Variants in GRM3 observed in about 807,000 individuals in gnomAD.
GRM3 encodes glutamate metabotropic receptor 3, also known as metabotropic glutamate receptor 3.
In GRM3, 26 loss-of-function variants were observed where a neutral mutation model predicts 70.5. That is an observed-to-expected ratio of 0.37 (90% confidence interval 0.27 to 0.51). The LOEUF (loss-of-function observed/expected upper bound fraction) is 0.51. GRM3 is among the 20% of genes least tolerant of loss of function. The probability of loss-of-function intolerance (pLI) is 0.93; values close to 1 mark genes in which losing one functional copy is unlikely to be tolerated. For synonymous variants in GRM3, 443 were observed against 434.9 expected (o/e 1.02, Z -0.23); for missense variants, 859 against 1,123.8 (o/e 0.76, Z 3.37).
intron 1 of GRM3, among the ~76,000 whole-genome samples, chr7:86,729,715 T>A (rs558809843): frequency 6.6e-6 from 1 of 152,284 alleles, no homozygotes; most frequent in South Asian, 2.1e-4. Flanking sequence ...AATTTACAAA[T>A]CACACAGAAA....
At chr7:86,794,326 C>T (rs1232808564) in intron 3 of GRM3, among the ~76,000 whole-genome samples, 1 of 152,100 alleles carries the variant, frequency 6.6e-6, no homozygotes, top group African/African-American at 2.4e-5. Context: ...TTCAGAAAAG[C>T]TATCAGATTG....
intron 1 of GRM3, among the ~76,000 whole-genome samples, chr7:86,752,747 A>G (rs897544710): frequency 2.0e-5 from 3 of 152,110 alleles, no homozygotes; most frequent in Non-Finnish European, 4.4e-5. Context: ...AAATTAAGTC[A>G]GAAACAACTT....
intron 3 of GRM3, among the ~76,000 whole-genome samples, chr7:86,812,312 A>C (rs1307122844): frequency 1.3e-5 from 2 of 151,756 alleles, no homozygotes; most frequent in African/African-American, 2.4e-5. Flanking sequence ...GTTAATTCTC[A>C]AGGCAAGGCA....
At chr7:86,687,711 C>T (rs998993634) in intron 1 of GRM3, among the ~76,000 whole-genome samples, 3 of 151,610 alleles carry the variant, frequency 2.0e-5, no homozygotes, top group African/African-American at 4.8e-5. Context: ...TTGGGGTAAA[C>T]GTAATTGCAT....
chr7:86,845,160 G>C (rs1238018631), intron 4 of GRM3, among the ~76,000 whole-genome samples: 1 of 152,086 alleles, frequency 6.6e-6, no homozygotes, highest in Non-Finnish European at 1.5e-5. Context: ...AAAGTGCTGG[G>C]ATTACTGATG....
intron 1 of GRM3, among the ~76,000 whole-genome samples, chr7:86,716,324 AACAAACAT>A (rs1795313081): frequency 6.6e-6 from 1 of 151,984 alleles, no homozygotes; most frequent in African/African-American, 2.4e-5. Context: ...AGAGAAGAGA[AACAAACAT>A]TTACTGAGTT....
intron 1 of GRM3, among the ~76,000 whole-genome samples, chr7:86,710,566 T>TGGG (rs1171125332): frequency 2.5e-4 from 2 of 8,126 alleles, no homozygotes; most frequent in African/African-American, 1.1e-3. Context: ...GTGTGTGTGG[T>TGGG]GGGGGGTGGG....
At chr7:86,780,291 A>G (rs926945509) in intron 2 of GRM3, among the ~76,000 whole-genome samples, 1 of 152,194 alleles carries the variant, frequency 6.6e-6, no homozygotes, top group Non-Finnish European at 1.5e-5. Flanking sequence ...CCCTGTATGC[A>G]TATGTAACAA....
At chr7:86,652,433 C>T (rs577992158) in intron 1 of GRM3, among the ~76,000 whole-genome samples, 88 of 152,224 alleles carry the variant, frequency 5.8e-4, no homozygotes, top group Non-Finnish European at 9.0e-4. Flanking sequence ...CGGATTCAAG[C>T]GATTTTCCTG....
intron 1 of GRM3, among the ~76,000 whole-genome samples, chr7:86,665,472 C>G (rs1794003149): frequency 6.6e-6 from 1 of 152,030 alleles, no homozygotes; most frequent in Non-Finnish European, 1.5e-5. Context: ...AGAGTAACAT[C>G]CACTGGCATA....
chr7:86,671,078 T>C (rs1337776846), intron 1 of GRM3, among the ~76,000 whole-genome samples: 2 of 152,212 alleles, frequency 1.3e-5, no homozygotes, highest in Admixed American at 6.5e-5. Context: ...TCTCCCAGGC[T>C]GGAGTGCAAC....
At chr7:86,689,329 T>C (rs1794643314) in intron 1 of GRM3, among the ~76,000 whole-genome samples, 1 of 151,902 alleles carries the variant, frequency 6.6e-6, no homozygotes, top group South Asian at 2.1e-4. Flanking sequence ...GAGCAGTAAA[T>C]AGATAATTCA....
rs1235603640 is a variant in GRM3, at chr7:86,786,637, G to A, written c.845G>A (p.Arg282Gln). The change falls in exon 3 of 6, where the codon CGG (arginine) becomes CAG (glutamine). Residue 282 changes from arginine (R) to glutamine (Q), a missense_variant. Physicochemically the swap from Arg to Gln is conservative, Grantham distance 43. Coordinates refer to ENST00000361669, the MANE Select transcript of GRM3 (RefSeq NM_000840.3). The surrounding 1 kb of genome is among the most constrained non-coding windows in gnomAD (Gnocchi z 6.0). ...VVLFMRSDDSRELIAAASRAN... is the reference protein window; with the variant it reads ...VVLFMRSDDSQELIAAASRAN... ...CTCTTCATGCGCAGCGACGACTCGC[G>A]GGAGCTCATTGCAGCCGCCAGCCGC... 1.9e-6 allele frequency: 3 copies of A among 1,612,130 alleles called. No individual in the cohort carries two copies. Among genetic ancestry groups the A allele is most frequent in the African/African-American group, 1.3e-5 (1 of 74,938 alleles).
intron 3 of GRM3, among the ~76,000 whole-genome samples, chr7:86,795,663 G>A (rs1221385810): frequency 1.3e-5 from 2 of 152,106 alleles, no homozygotes; most frequent in Non-Finnish European, 1.5e-5. Context: ...TTTTTATCCA[G>A]TCTGTCATTG....
chr7:86,758,973 T>A (rs1200065896), intron 1 of GRM3, among the ~76,000 whole-genome samples: 2 of 152,136 alleles, frequency 1.3e-5, no homozygotes, highest in Non-Finnish European at 2.9e-5. Flanking sequence ...GAGGGTCTTA[T>A]CAATTAATTC....
intron 1 of GRM3, among the ~76,000 whole-genome samples, chr7:86,677,088 A>G (rs1388308075): frequency 6.6e-6 from 1 of 151,984 alleles, no homozygotes; most frequent in Non-Finnish European, 1.5e-5. Flanking sequence ...CAGTGTTGGT[A>G]TAACTGTTTG....
At chr7:86,703,353 G>A (rs895427274) in intron 1 of GRM3, among the ~76,000 whole-genome samples, 1 of 151,914 alleles carries the variant, frequency 6.6e-6, no homozygotes, top group Non-Finnish European at 1.5e-5. Flanking sequence ...AGTGTGAAAG[G>A]TTCATGGAAT....
intron 3 of GRM3, among the ~76,000 whole-genome samples, chr7:86,815,080 T>G (rs1450094978): frequency 6.6e-6 from 1 of 151,756 alleles, no homozygotes; most frequent in Non-Finnish European, 1.5e-5. Flanking sequence ...ATATTTTATT[T>G]TAACAGCATC....
intron 1 of GRM3, among the ~76,000 whole-genome samples, chr7:86,704,023 G>A (rs1459237418): frequency 6.6e-6 from 1 of 151,720 alleles, no homozygotes; most frequent in Non-Finnish European, 1.5e-5. Context: ...CTTTCTGTTG[G>A]TCTTAAATCA....
Sources: allele counts gnomAD v4.1 joint callset (sites outside exome capture counted in the v4.1 genomes callset), GRCh38; gene constraint gnomAD v4.1.1; non-coding constraint Gnocchi (gnomAD v3.1); transcripts MANE v1.5; gene names NCBI Gene and HGNC (gene_info 2026-07-23, HGNC 2026-07-21).